ETV5: variants seen among roughly 807,000 people sequenced by gnomAD.
The protein encoded by ETV5 is ETS variant transcription factor 5, also known as ETS translocation variant 5.
A neutral mutation model predicts 70.0 loss-of-function variants in ETV5; 10 were observed. The observed-to-expected ratio is 0.14, with a 90% CI of 0.09 to 0.24. ETV5 has a LOEUF of 0.24. Among genes scored for constraint, ETV5 ranks in the 10% least tolerant of loss-of-function variants. The pLI is 1.00. For missense variants in ETV5, 453 were observed against 651.2 expected, an observed-to-expected ratio of 0.70 and a Z score of 3.31; for synonymous variants, 216 against 242.2, an observed-to-expected ratio of 0.89 and a Z score of 1.01.
chr3:186,053,024 G>A (rs1560044295), intron 11 of ETV5, among the ~76,000 whole-genome samples: 1 of 151,964 alleles, frequency 6.6e-6, no homozygotes, highest in East Asian at 1.9e-4. Context: ...GCAAACCAGG[G>A]GTCAGGGGTC....
chr3:186,084,554 A>C (rs911606018), intron 5 of ETV5, among the ~76,000 whole-genome samples: 1 of 152,202 alleles, frequency 6.6e-6, no homozygotes, highest in Non-Finnish European at 1.5e-5. Flanking sequence ...GATGCTAAGC[A>C]AAACAGACAT....
chr3:186,087,639 T>G (rs1205037484), intron 5 of ETV5, among the ~76,000 whole-genome samples: 1 of 152,198 alleles, frequency 6.6e-6, no homozygotes, highest in African/African-American at 2.4e-5. Context: ...AAAAATAAAC[T>G]GGTCCATTCA....
intron 5 of ETV5, among the ~76,000 whole-genome samples, chr3:186,086,633 T>G (rs1714063634): frequency 6.6e-6 from 1 of 151,960 alleles, no homozygotes; most frequent in Non-Finnish European, 1.5e-5. Flanking sequence ...ATCAAATAGC[T>G]AGGAAAGTGT....
At chr3:186,099,276 T>C (rs1340243859) in intron 5 of ETV5, among the ~76,000 whole-genome samples, 1 of 149,632 alleles carries the variant, frequency 6.7e-6, no homozygotes, top group Non-Finnish European at 1.5e-5. Context: ...CCTAGAGGGA[T>C]AGGACAATGA....
At chr3:186,098,178 G>A (rs1183514040) in intron 5 of ETV5, among the ~76,000 whole-genome samples, 1 of 152,236 alleles carries the variant, frequency 6.6e-6, no homozygotes, top group Non-Finnish European at 1.5e-5. Context: ...CTAGAAGTAA[G>A]GTCAGAAAGT....
intron 7 of ETV5, among the ~76,000 whole-genome samples, chr3:186,072,718 T>C (rs1713673220): frequency 1.3e-5 from 2 of 152,234 alleles, no homozygotes; most frequent in African/African-American, 4.8e-5. Context: ...ACAAAAAGCA[T>C]GTCCTTTGTA....
chr3:186,059,164 A>C lies in ETV5; in HGVS notation c.971-1673T>G, dbSNP rs1304914212. Among the ~76,000 whole-genome samples the C allele has an allele frequency of 2.6e-5, 4 of 152,310 alleles. No individual in the cohort carries two copies. In the East Asian group the frequency reaches 7.7e-4, roughly 29 times the overall value. On this transcript the variant is annotated intron_variant, in intron 9 of 12. Transcript: ENST00000306376. Reference sequence around the variant, plus strand: ...TGGCAGGAGCAGCACCATTTTTAAGAGGCCTGGGACTGAAGAAACTCTGCA... The same window carrying C: ...TGGCAGGAGCAGCACCATTTTTAAGCGGCCTGGGACTGAAGAAACTCTGCA...
Position 186,064,176 on chromosome 3 carries a change from T to C in ETV5, c.970+241A>G, listed in dbSNP as rs4686727. The C allele has an allele frequency of 1, 557,860 of 559,076 alleles. 278,336 individuals are homozygous for C. Among genetic ancestry groups the C allele is most frequent in the East Asian group, 1 (33,660 of 33,660 alleles). The allele number at this position is 559,076 out of a possible 1,614,324, so 34.6% of individuals were successfully genotyped here. A position where few individuals can be genotyped will look rare whatever the true frequency, so the allele number is the denominator to read the frequency against. On this transcript the variant is annotated intron_variant, in intron 9 of 12. Transcript: ENST00000306376. Reference sequence around the variant, plus strand: ...GCCCTCACAGGGCTTAGGGGCATGCTTGAAACCCTGCGTGCAAAATAATTG... The same window carrying C: ...GCCCTCACAGGGCTTAGGGGCATGCCTGAAACCCTGCGTGCAAAATAATTG...
intron 5 of ETV5, among the ~76,000 whole-genome samples, chr3:186,084,596 A>G (rs760956374): frequency 2.0e-5 from 3 of 152,146 alleles, no homozygotes; most frequent in Non-Finnish European, 4.4e-5. Flanking sequence ...GAGGCATCTG[A>G]CTTTTAGCAT....
chr3:186,066,569 G>A (rs1006424167), intron 7 of ETV5, among the ~76,000 whole-genome samples: 19 of 151,860 alleles, frequency 1.3e-4, no homozygotes, highest in African/African-American at 4.6e-4. Context: ...ACATTCCTAG[G>A]AATAATCAGG....
chr3:186,080,929 G>A, intron 6 of ETV5, 117 bp downstream of exon 6: 1 of 1,244,266 alleles, frequency 8.0e-7, no homozygotes, highest in Non-Finnish European at 1.1e-6. Flanking sequence ...ATGAAAGAAG[G>A]ATATGTTTTA....
At chr3:186,070,435 C>T (rs938112140) in intron 7 of ETV5, among the ~76,000 whole-genome samples, 1 of 152,202 alleles carries the variant, frequency 6.6e-6, no homozygotes, top group African/African-American at 2.4e-5. Flanking sequence ...GGGCACTAGC[C>T]AGCAACCTCA....
At chr3:186,102,730 G>A (rs1387526598) in intron 5 of ETV5, among the ~76,000 whole-genome samples, 6 of 151,260 alleles carry the variant, frequency 4.0e-5, no homozygotes, top group Non-Finnish European at 8.8e-5. Context: ...AACTCATAAG[G>A]TTTCATTAAA....
At position 186,046,780 on chromosome 3, in the gene ETV5, C is replaced by T. The variant is rs111652985; in HGVS notation, c.*1859G>A. On this transcript the variant is annotated 3_prime_UTR_variant, in exon 13 of 13. Coordinates refer to ENST00000306376, the MANE Select transcript of ETV5 (RefSeq NM_004454.3). Reference sequence around the variant, plus strand: ...AGCCAGCTGGGGGTAAAATATGCATCTATGTATAGACTATGTGTAGGTTAA... The same window carrying T: ...AGCCAGCTGGGGGTAAAATATGCATTTATGTATAGACTATGTGTAGGTTAA... 1,869 of 231,716 alleles carry T rather than the reference C, an allele frequency of 8.1e-3. 6 individuals carry two copies. The highest frequency in any genetic ancestry group is 0.011 in the Non-Finnish European group (1,238 of 117,020). 14.4% of individuals were successfully genotyped at this position (231,716 alleles called of 1,614,324 possible). A position where few individuals can be genotyped will look rare whatever the true frequency, so the allele number is the denominator to read the frequency against.
chr3:186,048,376 A>G lies in ETV5; in HGVS notation c.*263T>C, dbSNP rs777843855. 1.5e-4 allele frequency: 77 copies of G among 521,112 alleles called. 1 individual carries two copies. In the East Asian group the frequency reaches 2.0e-3, roughly 13 times the overall value. The allele number at this position is 521,112 out of a possible 1,614,324, so 32.3% of individuals were successfully genotyped here. A position where few individuals can be genotyped will look rare whatever the true frequency, so the allele number is the denominator to read the frequency against. Reference sequence around the variant, plus strand: ...GTATTGTCCATGGTAAGGAGACTCCATTTTGATCTCTTCCCAGAAACCTCA... The same window carrying G: ...GTATTGTCCATGGTAAGGAGACTCCGTTTTGATCTCTTCCCAGAAACCTCA... On this transcript the variant is annotated 3_prime_UTR_variant, in exon 13 of 13. Transcript: ENST00000306376.
intron 6 of ETV5, chr3:186,080,433 C>T (rs1375761442): frequency 4.1e-6 from 1 of 246,332 alleles, no homozygotes; most frequent in African/African-American, 2.2e-5. Flanking sequence ...GTATGTTTGC[C>T]AGGTGTTCTC....
intron 9 of ETV5, among the ~76,000 whole-genome samples, chr3:186,061,300 G>A (rs1713298499): frequency 6.6e-6 from 1 of 152,172 alleles, no homozygotes; most frequent in Non-Finnish European, 1.5e-5. Context: ...TTGCTCTGGA[G>A]GAAACCTGGA....
intron 5 of ETV5, among the ~76,000 whole-genome samples, chr3:186,102,103 G>A (rs1209962498): frequency 6.6e-6 from 1 of 151,852 alleles, no homozygotes; most frequent in Non-Finnish European, 1.5e-5. Flanking sequence ...CCTATGGGCA[G>A]GAAACCCAAT....
intron 7 of ETV5, among the ~76,000 whole-genome samples, chr3:186,067,772 C>T (rs1032331039): frequency 2.0e-5 from 3 of 152,098 alleles, no homozygotes; most frequent in South Asian, 2.1e-4. Context: ...AAAAAGACAT[C>T]GGAAACAAAA....
Sources: gnomAD v4.1 joint callset for allele counts (sites outside exome capture counted in the v4.1 genomes callset) on GRCh38, gnomAD v4.1.1 for gene constraint, MANE v1.5 for transcripts, NCBI Gene and HGNC (gene_info 2026-07-23, HGNC 2026-07-21) for gene names.